The following CACNA1C variants were observed in gnomAD, a reference collection of about 807,000 sequenced individuals.
CACNA1C encodes voltage-dependent L-type calcium channel subunit alpha-1C.
A neutral mutation model predicts 229.0 loss-of-function variants in CACNA1C; 30 were observed. The ratio of observed to expected loss-of-function variants is 0.13; its 90% CI spans 0.10 to 0.18. The LOEUF is 0.18. Among genes scored for constraint, CACNA1C ranks in the 10% least tolerant of loss-of-function variants. The probability of loss-of-function intolerance (pLI) is 1.00; values close to 1 mark genes in which losing one functional copy is unlikely to be tolerated. For synonymous variants in CACNA1C, 1,114 were observed against 1,132.5 expected (o/e 0.98, Z 0.33); for missense variants, 1,658 against 2,845.0 (o/e 0.58, Z 9.49).
rs3216324 is a variant in CACNA1C at position 2,649,681 on chromosome 12, G to GT, written c.3945+1181dup. Among the ~76,000 whole-genome samples, 1 of 139,452 alleles carries GT rather than the reference G, an allele frequency of 7.2e-6. No homozygotes were observed. The highest frequency in any genetic ancestry group is 1.5e-5 in the Non-Finnish European group (1 of 64,778). 91.5% of individuals were successfully genotyped at this position (139,452 alleles called of 152,430 possible). A position where few individuals can be genotyped will look rare whatever the true frequency, so the allele number is the denominator to read the frequency against. ...AAGCTTGGTGTTTGGCGTTTTTTGG[G>GT]TTTTTTTGTTTGTTTATTTTGTTTT... On this transcript the variant is annotated intron_variant, in intron 31 of 46. Coordinates refer to ENST00000399655, the MANE Select transcript of CACNA1C (RefSeq NM_000719.7). This position sits in a 1 kb window ranked among gnomAD's most constrained non-coding sequence, Gnocchi z 4.4.
chr12:2,452,611 C>T (rs1190061112), intron 4 of CACNA1C, among the ~76,000 whole-genome samples: 1 of 152,160 alleles, frequency 6.6e-6, no homozygotes, highest in African/African-American at 2.4e-5. Flanking sequence ...AGTGGTTTTG[C>T]CTTTAGAATG....
chr12:2,124,050 C>G (rs2088551134), intron 3 of CACNA1C, among the ~76,000 whole-genome samples: 1 of 151,912 alleles, frequency 6.6e-6, no homozygotes, highest in South Asian at 2.1e-4. Flanking sequence ...TTCATGGACT[C>G]TTACAGTCAC....
intron 43 of CACNA1C, among the ~76,000 whole-genome samples, chr12:2,684,251 C>G (rs2097329048): frequency 6.6e-6 from 1 of 152,166 alleles, no homozygotes; most frequent in African/African-American, 2.4e-5. Context: ...GAGTCCCAAC[C>G]AGCGGCACTT....
rs2153892884 is a variant in CACNA1C, at chr12:2,691,237, C to A, written c.*38C>A. On this transcript the variant is annotated 3_prime_UTR_variant, in exon 47 of 47. Transcript: ENST00000399655. ...GATGCGGGCTTTTTTTTATTTGTTT[C>A]AATGTTCCTAATGGGTTCGTTTCAG... 1 of 1,504,880 alleles carries A rather than the reference C, an allele frequency of 6.6e-7. No homozygotes were observed. Among genetic ancestry groups the A allele is most frequent in the East Asian group, 2.3e-5 (1 of 43,668 alleles). The allele number at this position is 1,504,880 out of a possible 1,614,324, so 93.2% of individuals were successfully genotyped here. A position where few individuals can be genotyped will look rare whatever the true frequency, so the allele number is the denominator to read the frequency against.
At chr12:2,349,166 C>G (rs1025092491) in intron 3 of CACNA1C, among the ~76,000 whole-genome samples, 9 of 152,222 alleles carry the variant, frequency 5.9e-5, no homozygotes, top group African/African-American at 2.2e-4. Flanking sequence ...CGGGAGGGGT[C>G]TGCTCTAATA....
chr12:2,053,343 G>C lies in CACNA1C; in HGVS notation c.-220G>C. 7.6e-7 allele frequency: 1 copy of C among 1,313,078 alleles called. No individual in the cohort carries two copies. Among genetic ancestry groups the C allele is most frequent in the Non-Finnish European group, 9.7e-7 (1 of 1,029,704 alleles). The allele number at this position is 1,313,078 out of a possible 1,614,324, so 81.3% of individuals were successfully genotyped here. On this transcript the variant is annotated 5_prime_UTR_variant, in exon 1 of 47. Coordinates refer to ENST00000399655, the MANE Select transcript of CACNA1C (RefSeq NM_000719.7). The surrounding 1 kb of genome is among the most constrained non-coding windows in gnomAD (Gnocchi z 5.8). ...GAGGATGCGTTACAGTTTCACTCGAGGAGGCAGTAGTGGAAAGGAGCAGTT... is the reference window on the plus strand; with the variant it reads ...GAGGATGCGTTACAGTTTCACTCGACGAGGCAGTAGTGGAAAGGAGCAGTT...
chr12:2,507,034 T>C (rs977762310), intron 8 of CACNA1C, among the ~76,000 whole-genome samples: 2 of 152,210 alleles, frequency 1.3e-5, no homozygotes, highest in Admixed American at 6.5e-5. Context: ...CGCTAGGGTG[T>C]ATTTAGACCC....
At chr12:2,518,321 A>T (rs1568177288) in intron 9 of CACNA1C, among the ~76,000 whole-genome samples, 1 of 152,210 alleles carries the variant, frequency 6.6e-6, no homozygotes, top group Non-Finnish European at 1.5e-5. Context: ...TTTAAAAAAA[A>T]ATCAGGGCCG....
At chr12:2,214,235 C>T (rs1018421278) in intron 3 of CACNA1C, among the ~76,000 whole-genome samples, 18 of 152,130 alleles carry the variant, frequency 1.2e-4, no homozygotes, top group East Asian at 3.9e-4. Flanking sequence ...CTTAAGTTGG[C>T]GCTGCTGAGG....
chr12:2,659,209 G>A (rs1481267699), intron 34 of CACNA1C, among the ~76,000 whole-genome samples: 3 of 152,020 alleles, frequency 2.0e-5, no homozygotes, highest in Non-Finnish European at 4.4e-5. Context: ...CTCATGGTAT[G>A]TGCCCTCTAC....
intron 3 of CACNA1C, among the ~76,000 whole-genome samples, chr12:2,139,150 C>A (rs1042095911): frequency 3.3e-5 from 5 of 151,094 alleles, no homozygotes; most frequent in African/African-American, 9.7e-5. Flanking sequence ...CCTCTGGGCA[C>A]TCTGAGGAGT....
chr12:2,417,610 G>A (rs191864640), intron 3 of CACNA1C, among the ~76,000 whole-genome samples: 10 of 152,080 alleles, frequency 6.6e-5, no homozygotes, highest in East Asian at 1.9e-4. Flanking sequence ...TGGTCCAGGC[G>A]GATGACAAGG....
rs370674412 is a variant in CACNA1C, at chr12:2,519,795, A to T, written c.1390+6811A>T. ...GTGTTGTGAGAGGCATCTCACCCAA[A>T]GCGGGGCGTGGGGGCCATGTTGTAG... is the stretch of plus-strand genomic sequence containing the variant. On this transcript the variant is annotated intron_variant, in intron 9 of 46. Transcript: ENST00000399655. 1.9e-4 allele frequency among the ~76,000 whole-genome samples: 29 copies of T among 152,280 alleles called. 1 individual carries two copies. The highest frequency in any genetic ancestry group is 6.2e-4 in the South Asian group (3 of 4,814).
chr12:2,302,817 T>A (rs2094675396), intron 3 of CACNA1C, among the ~76,000 whole-genome samples: 1 of 152,246 alleles, frequency 6.6e-6, no homozygotes, highest in Non-Finnish European at 1.5e-5. Context: ...TATTTTGGTC[T>A]ATTTTGTCTC....
intron 3 of CACNA1C, among the ~76,000 whole-genome samples, chr12:2,266,117 G>A (rs1342022284): frequency 6.6e-6 from 1 of 152,180 alleles, no homozygotes; most frequent in African/African-American, 2.4e-5. Context: ...GCAGGCATGT[G>A]GCTTGCCATG....
At chr12:2,456,638 C>A (rs539537710) in intron 4 of CACNA1C, among the ~76,000 whole-genome samples, 2 of 152,186 alleles carry the variant, frequency 1.3e-5, no homozygotes, top group Non-Finnish European at 2.9e-5. Context: ...GAAGTGGGTC[C>A]CGCCCTCACT....
At chr12:2,568,991 G>A (rs2052849499) in intron 13 of CACNA1C, among the ~76,000 whole-genome samples, 1 of 152,214 alleles carries the variant, frequency 6.6e-6, no homozygotes, top group African/African-American at 2.4e-5. Flanking sequence ...TGAGCTGTTA[G>A]GGAGGCTGAG....
chr12:2,413,505 T>C (rs2098831441), intron 3 of CACNA1C, among the ~76,000 whole-genome samples: 1 of 152,202 alleles, frequency 6.6e-6, no homozygotes, highest in Non-Finnish European at 1.5e-5. Flanking sequence ...GTTAATTTAT[T>C]GGACCAGACA....
chr12:2,516,102 T>A (rs972638718), intron 9 of CACNA1C, among the ~76,000 whole-genome samples: 3 of 151,320 alleles, frequency 2.0e-5, no homozygotes, highest in Admixed American at 6.6e-5. Flanking sequence ...TTTTAAGGGG[T>A]CAGCCAAGGA....
Sources: gnomAD v4.1 joint callset for allele counts (sites outside exome capture counted in the v4.1 genomes callset) on GRCh38, gnomAD v4.1.1 for gene constraint, Gnocchi (gnomAD v3.1) non-coding constraint, MANE v1.5 for transcripts, NCBI Gene and HGNC (gene_info 2026-07-23, HGNC 2026-07-21) for gene names.